The following SLC7A14 variants were observed in gnomAD, a reference collection of about 807,000 sequenced individuals.
The protein encoded by SLC7A14 is solute carrier family 7 member 14.
A neutral mutation model predicts 60.2 loss-of-function variants in SLC7A14; 37 were observed. The observed-to-expected ratio is 0.61, with a 90% CI of 0.47 to 0.81. SLC7A14 has a LOEUF of 0.81. Ranked by LOEUF, SLC7A14 falls within the 30% of genes least tolerant of loss-of-function variation. The pLI, the probability that SLC7A14 is intolerant of heterozygous loss-of-function variation, is 0.00. For synonymous variants in SLC7A14, 399 were observed against 395.8 expected, an observed-to-expected ratio of 1.01 and a Z score of -0.10; for missense variants, 886 against 982.7, an observed-to-expected ratio of 0.90 and a Z score of 1.32.
At chr3:170,486,871 C>CAAA (rs59431762) in intron 4 of SLC7A14, among the ~76,000 whole-genome samples, 1 of 103,588 alleles carries the variant, frequency 9.7e-6, no homozygotes, top group Non-Finnish European at 2.2e-5. Context: ...GACTCCATCT[C>CAAA]AAAAAAAAAA....
chr3:170,471,448 A>G (rs1486360563), intron 7 of SLC7A14, among the ~76,000 whole-genome samples: 4 of 152,296 alleles, frequency 2.6e-5, no homozygotes, highest in East Asian at 3.9e-4. Flanking sequence ...CATAGGTTTA[A>G]TTTGTAAATA....
chr3:170,555,137 C>T (rs1055429582), intron 1 of SLC7A14, among the ~76,000 whole-genome samples: 2 of 151,090 alleles, frequency 1.3e-5, no homozygotes, highest in African/African-American at 2.4e-5. Context: ...CACTGCACTT[C>T]AGCCTGGGCA....
chr3:170,583,476 G>A (rs1301997880), intron 1 of SLC7A14, among the ~76,000 whole-genome samples: 2 of 152,214 alleles, frequency 1.3e-5, no homozygotes, highest in Non-Finnish European at 2.9e-5. Context: ...AAAGCAGTAT[G>A]GAAGAGTATT....
chr3:170,488,198 C>G (rs1240749436), intron 4 of SLC7A14, among the ~76,000 whole-genome samples: 1 of 152,146 alleles, frequency 6.6e-6, no homozygotes, highest in Admixed American at 6.5e-5. Flanking sequence ...ATCAAACATC[C>G]AGGTGGTCCA....
At position 170,480,762 on chromosome 3, in the gene SLC7A14, T is replaced by C; in HGVS notation, c.1520A>G (p.Asn507Ser). ...GTCCACGGTGCCGTAATTGGGGTGG[T>C]TGACGTTGTAGGTTGACTTGTCTGA... ...GKSDKSTYNV[N>S]HPNYGTVDMT... is the part of the protein sequence containing the mutation. Residue 507 changes from asparagine (N) to serine (S), a missense_variant, in exon 7 of 8, where the codon AAC becomes AGC. Physicochemically the swap from Asn to Ser is conservative, Grantham distance 46. Transcript: ENST00000231706. The C allele has an allele frequency of 1.2e-6, 2 of 1,614,196 alleles. No individual in the cohort carries two copies. The highest frequency in any genetic ancestry group is 8.5e-7 in the Non-Finnish European group (1 of 1,180,042).
intron 7 of SLC7A14, among the ~76,000 whole-genome samples, chr3:170,471,475 T>TA (rs1334742048): frequency 6.6e-6 from 1 of 152,172 alleles, no homozygotes; most frequent in African/African-American, 2.4e-5. Context: ...TATGCATCTC[T>TA]AAAAAAAGCA....
intron 2 of SLC7A14, among the ~76,000 whole-genome samples, chr3:170,515,275 T>C (rs2108288072): frequency 1.3e-5 from 2 of 151,100 alleles, no homozygotes; most frequent in African/African-American, 4.9e-5. Context: ...ATCATGCCAC[T>C]ACACTCCATC....
At chr3:170,513,392 A>G (rs1713050004) in intron 2 of SLC7A14, among the ~76,000 whole-genome samples, 1 of 152,254 alleles carries the variant, frequency 6.6e-6, no homozygotes, top group Admixed American at 6.5e-5. Flanking sequence ...TAGGGCATTT[A>G]TAAACAAACT....
At chr3:170,470,328 G>GTGTGTGTGTGTGTA (rs1421910055) in intron 7 of SLC7A14, among the ~76,000 whole-genome samples, 1 of 151,614 alleles carries the variant, frequency 6.6e-6, no homozygotes, top group Admixed American at 6.6e-5. Flanking sequence ...GTGTGTGTGT[G>GTGTGTGTGTGTGTA]TGTGTGTGTG....
At chr3:170,485,735 C>T (rs2108271860) in intron 5 of SLC7A14, among the ~76,000 whole-genome samples, 1 of 152,298 alleles carries the variant, frequency 6.6e-6, no homozygotes, top group South Asian at 2.1e-4. Context: ...TGGCACTTTC[C>T]TCCCCAGATT....
Position 170,466,398 on chromosome 3 carries a change from T to A in SLC7A14, c.*657A>T, listed in dbSNP as rs1227702599. 1 of 152,236 alleles carries A rather than the reference T, an allele frequency of 6.6e-6. No homozygotes were observed. The highest frequency in any genetic ancestry group is 1.5e-5 in the Non-Finnish European group (1 of 68,048). 9.4% of individuals were successfully genotyped at this position (152,236 alleles called of 1,614,324 possible). A position where few individuals can be genotyped will look rare whatever the true frequency, so the allele number is the denominator to read the frequency against. On this transcript the variant is annotated 3_prime_UTR_variant, in exon 8 of 8. Coordinates refer to ENST00000231706, the MANE Select transcript of SLC7A14 (RefSeq NM_020949.3). Reference sequence around the variant, plus strand: ...GGGCATTTACATAGAGCTTTGATGGTGCTTCTTACCATATCACTGGGTCTG... The same window carrying A: ...GGGCATTTACATAGAGCTTTGATGGAGCTTCTTACCATATCACTGGGTCTG...
chr3:170,473,618 A>C (rs749364902), intron 7 of SLC7A14, among the ~76,000 whole-genome samples: 3 of 152,216 alleles, frequency 2.0e-5, no homozygotes, highest in Non-Finnish European at 4.4e-5. Context: ...CCGAAGCAGA[A>C]AGGGAGACTG....
At chr3:170,512,377 C>A (rs1317663380) in intron 2 of SLC7A14, among the ~76,000 whole-genome samples, 3 of 152,124 alleles carry the variant, frequency 2.0e-5, no homozygotes, top group African/African-American at 4.8e-5. Flanking sequence ...CTCTGGGGGG[C>A]CTTCCCAAAG....
chr3:170,478,624 G>A (rs9835435), intron 7 of SLC7A14, among the ~76,000 whole-genome samples: 45,587 of 151,992 alleles, frequency 0.3, 8,060 homozygotes, highest in African/African-American at 0.49. Flanking sequence ...TAACTTATAG[G>A]GCCACTTTGT....
In SLC7A14 at chr3:170,498,792, C is replaced by T. The variant is rs1190326275; in HGVS notation, c.634G>A (p.Gly212Ser). 1 of 1,614,170 alleles carries T rather than the reference C, an allele frequency of 6.2e-7. No individual in the cohort carries two copies. Among genetic ancestry groups the T allele is most frequent in the Non-Finnish European group, 8.5e-7 (1 of 1,180,034 alleles). The change falls in exon 4 of 8, where the codon GGC (glycine) becomes AGC (serine). Residue 212 changes from glycine (G) to serine (S), a missense_variant. Gly to Ser is a moderately conservative substitution (Grantham distance 56). Transcript: ENST00000231706. Reference protein sequence around the residue: ...IVALGVKNSIGFNNVLNVLNL... With the variant: ...IVALGVKNSISFNNVLNVLNL... ...AGCACATTGAGAACATTGTTGAAGC[C>T]TATGGAATTCTTCACCCCCAGAGCA...
chr3:170,491,739 A>G (rs1712227409), intron 4 of SLC7A14, among the ~76,000 whole-genome samples: 1 of 152,168 alleles, frequency 6.6e-6, no homozygotes, highest in Non-Finnish European at 1.5e-5. Context: ...CGAGGAAGAA[A>G]TACTCTGGCC....
intron 1 of SLC7A14, among the ~76,000 whole-genome samples, chr3:170,529,260 A>G (rs189781668): frequency 1.6e-4 from 24 of 152,340 alleles, no homozygotes; most frequent in African/African-American, 4.6e-4. Flanking sequence ...ATGGACATAT[A>G]TATATGTGTG....
Position 170,483,338 on chromosome 3 carries a change from A to G in SLC7A14, c.1091T>C (p.Met364Thr), listed in dbSNP as rs1211268691. The G allele has an allele frequency of 4.3e-6, 7 of 1,614,040 alleles. No homozygotes were observed. The African/African-American group carries it at 6.7e-5, about 15-fold the overall frequency. Residue 364 changes from methionine (M) to threonine (T), a missense_variant, in exon 6 of 8, where the codon ATG (methionine) becomes ACG (threonine). Met to Thr is a moderately conservative substitution (Grantham distance 81). Coordinates refer to ENST00000231706, the MANE Select transcript of SLC7A14 (RefSeq NM_020949.3). ...LFPMPRVIYA[M>T]AGDGLLFRFL... ...CCTGAAAAGGAGCCCGTCACCAGCC[A>G]TGGCATAAATGACCCTCGGCATCGG...
chr3:170,499,317 T>C (rs1268535145), intron 3 of SLC7A14, among the ~76,000 whole-genome samples: 2 of 138,746 alleles, frequency 1.4e-5, no homozygotes, highest in East Asian at 4.7e-4. Flanking sequence ...TGTGTGCACC[T>C]ACACATGCCT....
Sources: gnomAD v4.1 joint callset for allele counts (sites outside exome capture counted in the v4.1 genomes callset) on GRCh38, gnomAD v4.1.1 for gene constraint, MANE v1.5 for transcripts, NCBI Gene and HGNC (gene_info 2026-07-23, HGNC 2026-07-21) for gene names.